The following HEMK2 variants were observed in gnomAD, a reference collection of about 807,000 sequenced individuals.
HEMK2 encodes methyltransferase HEMK2.
chr21:28,696,266 G>A, the HEMK2 span, among the ~76,000 whole-genome samples: 2 of 152,206 alleles, frequency 1.3e-5, no homozygotes, highest in South Asian at 4.2e-4. Context: ...ATTTGGGCAG[G>A]GACACAGCCA....
At chr21:28,796,011 C>T in the HEMK2 span, among the ~76,000 whole-genome samples, 1 of 152,276 alleles carries the variant, frequency 6.6e-6, no homozygotes, top group African/African-American at 2.4e-5. Flanking sequence ...GCCTTGTGCC[C>T]TCTACCTCCT....
At chr21:28,654,331 A>C in the HEMK2 span, among the ~76,000 whole-genome samples, 1 of 152,150 alleles carries the variant, frequency 6.6e-6, no homozygotes, top group African/African-American at 2.4e-5. Flanking sequence ...GAGTCTAAAA[A>C]ATGTTGAAGT....
the HEMK2 span, among the ~76,000 whole-genome samples, chr21:28,820,585 A>G: frequency 2.0e-5 from 3 of 152,212 alleles, no homozygotes; most frequent in African/African-American, 2.4e-5. Context: ...AATAGAGTAT[A>G]TAAACACCTG....
chr21:28,593,242 A>G, the HEMK2 span, among the ~76,000 whole-genome samples: 6 of 152,174 alleles, frequency 3.9e-5, no homozygotes, highest in African/African-American at 9.7e-5. Context: ...GGCTATTTGT[A>G]TAAGGTGCAT....
the HEMK2 span, among the ~76,000 whole-genome samples, chr21:28,700,843 A>ACC: frequency 3.8e-4 from 58 of 151,900 alleles, no homozygotes; most frequent in African/African-American, 1.3e-3. Flanking sequence ...ACACACACAC[A>ACC]CACAAAGAAC....
chr21:28,781,053 C>T, the HEMK2 span, among the ~76,000 whole-genome samples: 8 of 152,134 alleles, frequency 5.3e-5, no homozygotes. Flanking sequence ...TCTCTGGTTC[C>T]TAAATAACTT....
At chr21:28,783,875 G>A in the HEMK2 span, among the ~76,000 whole-genome samples, 7 of 152,336 alleles carry the variant, frequency 4.6e-5, no homozygotes, top group East Asian at 1.9e-4. Context: ...CACCAGCCCC[G>A]GGCAGTGAGG....
chr21:28,642,749 T>C, the HEMK2 span, among the ~76,000 whole-genome samples: 12 of 152,202 alleles, frequency 7.9e-5, no homozygotes, highest in African/African-American at 2.9e-4. Context: ...AGCCGCACCA[T>C]CCAAAGTTAG....
the HEMK2 span, among the ~76,000 whole-genome samples, chr21:28,853,811 AC>A: frequency 6.6e-6 from 1 of 152,178 alleles, no homozygotes; most frequent in African/African-American, 2.4e-5. Flanking sequence ...ATCAGAGTTT[AC>A]ACGCTCAATG....
chr21:28,680,589 A>T, the HEMK2 span, among the ~76,000 whole-genome samples: 32 of 152,288 alleles, frequency 2.1e-4, no homozygotes, highest in African/African-American at 7.7e-4. Flanking sequence ...CCGGGCAGAG[A>T]CACAACCAAA....
the HEMK2 span, among the ~76,000 whole-genome samples, chr21:28,820,085 C>T: frequency 2.0e-5 from 3 of 152,150 alleles, no homozygotes; most frequent in African/African-American, 7.2e-5. Context: ...TCATGATATA[C>T]AAATGCTTTA....
the HEMK2 span, among the ~76,000 whole-genome samples, chr21:28,700,770 G>T: frequency 6.6e-6 from 1 of 151,954 alleles, no homozygotes; most frequent in African/African-American, 2.4e-5. Context: ...TGAGGAGGAG[G>T]GGCTCTTCCC....
chr21:28,780,882 G>C, the HEMK2 span, among the ~76,000 whole-genome samples: 1 of 152,034 alleles, frequency 6.6e-6, no homozygotes, highest in Admixed American at 6.6e-5. Flanking sequence ...ACCCCTCCTT[G>C]GTGACTATGA....
At chr21:28,781,434 C>T in the HEMK2 span, among the ~76,000 whole-genome samples, 8 of 151,736 alleles carry the variant, frequency 5.3e-5, no homozygotes, top group South Asian at 1.7e-3. Context: ...ATGCATGTTC[C>T]TGTGTTCAGA....
the HEMK2 span, among the ~76,000 whole-genome samples, chr21:28,801,453 G>A: frequency 6.6e-6 from 1 of 151,602 alleles, no homozygotes; most frequent in Non-Finnish European, 1.5e-5. Context: ...TTTGAACTAG[G>A]GAAGATCTTT....
chr21:28,577,966 ACT>A, the HEMK2 span, among the ~76,000 whole-genome samples: 1 of 152,038 alleles, frequency 6.6e-6, no homozygotes, highest in Admixed American at 6.5e-5. Flanking sequence ...AACAACCTTT[ACT>A]CTCTGTTAAA....
the HEMK2 span, among the ~76,000 whole-genome samples, chr21:28,697,778 C>CAAAAAAAAAAAAA: frequency 2.8e-4 from 22 of 79,516 alleles, no homozygotes; most frequent in African/African-American, 5.3e-4. Flanking sequence ...ATCATGAGCC[C>CAAAAAAAAAAAAA]AAAAAAAAAA....
the HEMK2 span, among the ~76,000 whole-genome samples, chr21:28,825,533 G>A: frequency 2.6e-5 from 4 of 152,174 alleles, no homozygotes; most frequent in Non-Finnish European, 4.4e-5. Flanking sequence ...GGCAGGACCA[G>A]GCTAAGAGGA....
chr21:28,858,591 G>GAGGGAGGGACGC, the HEMK2 span, among the ~76,000 whole-genome samples: 1 of 151,990 alleles, frequency 6.6e-6, no homozygotes, highest in Non-Finnish European at 1.5e-5. Context: ...AGGAAGGAAG[G>GAGGGAGGGACGC]AGGGAGGGAC....
Sources: gnomAD v4.1 joint callset for allele counts (sites outside exome capture counted in the v4.1 genomes callset) on GRCh38, gnomAD v4.1.1 for gene constraint, MANE v1.5 for transcripts, NCBI Gene and HGNC (gene_info 2026-07-23, HGNC 2026-07-21) for gene names.